PKP4: variants seen among roughly 807,000 people sequenced by gnomAD.
The protein encoded by PKP4 is plakophilin-4.
A neutral mutation model predicts 145.1 loss-of-function variants in PKP4; 90 were observed. That is an observed-to-expected ratio of 0.62 (90% confidence interval 0.52 to 0.74). The LOEUF (loss-of-function observed/expected upper bound fraction) is 0.74. PKP4 is among the 30% of genes least tolerant of loss of function. The pLI is 0.00. For missense variants in PKP4, 1,340 were observed against 1,482.7 expected, an observed-to-expected ratio of 0.90 and a Z score of 1.58; for synonymous variants, 563 against 577.2, an observed-to-expected ratio of 0.98 and a Z score of 0.35.
In PKP4 at chr2:158,640,630, G is replaced by A. The variant is rs1461151675; in HGVS notation, c.1566G>A (p.Glu522=). Reference sequence around the variant, plus strand: ...AAGCCATGTTTTTCTCATGTAGGGAGTTTGCCTGGCGTGATCCTGAGTTGC... The same window carrying A: ...AAGCCATGTTTTTCTCATGTAGGGAATTTGCCTGGCGTGATCCTGAGTTGC... The part of the protein sequence containing the change: ...SIDSIQKDPR[E]FAWRDPELPE... Residue 522 remains glutamate, a synonymous_variant, in exon 10 of 22, where the codon GAG becomes GAA. Transcript: ENST00000389759. 1 of 1,612,810 alleles carries A rather than the reference G, an allele frequency of 6.2e-7. No homozygotes were observed. The highest frequency in any genetic ancestry group is 1.3e-5 in the African/African-American group (1 of 74,826).
At chr2:158,638,439 C>G (rs1463847908) in intron 9 of PKP4, among the ~76,000 whole-genome samples, 2 of 152,052 alleles carry the variant, frequency 1.3e-5, no homozygotes, top group Non-Finnish European at 2.9e-5. Flanking sequence ...ATGGAAGGAC[C>G]CAAGACTGAA....
intron 4 of PKP4, among the ~76,000 whole-genome samples, chr2:158,611,154 T>G (rs938690236): frequency 6.6e-6 from 1 of 152,154 alleles, no homozygotes; most frequent in Non-Finnish European, 1.5e-5. Flanking sequence ...AGTTAGGAGT[T>G]TTGATGTTTG....
chr2:158,543,819 C>T (rs569915087), intron 2 of PKP4, among the ~76,000 whole-genome samples: 4 of 152,188 alleles, frequency 2.6e-5, no homozygotes, highest in Admixed American at 2.6e-4. Context: ...GGGTAGTTCT[C>T]CGTACGTGGT....
chr2:158,637,982 G>A (rs1055663900), intron 9 of PKP4, among the ~76,000 whole-genome samples: 2 of 152,226 alleles, frequency 1.3e-5, no homozygotes, highest in South Asian at 2.1e-4. Context: ...GGGCTGTCTG[G>A]CCCTCATGGC....
intron 17 of PKP4, among the ~76,000 whole-genome samples, chr2:158,672,433 A>G (rs1404662492): frequency 6.6e-6 from 1 of 152,160 alleles, no homozygotes; most frequent in African/African-American, 2.4e-5. Context: ...CGAGTGTTTC[A>G]GTTGTCATCC....
intron 3 of PKP4, among the ~76,000 whole-genome samples, chr2:158,601,695 G>A (rs1018644748): frequency 1.3e-5 from 2 of 152,172 alleles, no homozygotes; most frequent in Non-Finnish European, 2.9e-5. Flanking sequence ...AGGTCACCCT[G>A]CTTGCAATTC....
intron 1 of PKP4, chr2:158,457,849 A>AC (rs1689075977): frequency 6.6e-6 from 1 of 151,976 alleles, no homozygotes; most frequent in Non-Finnish European, 1.5e-5. Flanking sequence ...CTCACGCTCC[A>AC]CCCCTCCCGG....
At position 158,479,277 on chromosome 2, in the gene PKP4, G is replaced by T. The variant is rs557156856; in HGVS notation, c.-6+22059G>T. Among the ~76,000 whole-genome samples, 166 of 151,912 alleles carry T rather than the reference G, an allele frequency of 1.1e-3. 1 individual carries two copies. The highest frequency in any genetic ancestry group is 2.0e-3 in the Non-Finnish European group (133 of 67,972). ...TACAGGGTCTCCCTCAGGTTGGAGT[G>T]CAGTGGCACAATCTTGGCCCACTGC... is the stretch of plus-strand genomic sequence containing the variant. On this transcript the variant is annotated intron_variant, in intron 1 of 21. Coordinates refer to ENST00000389759, the MANE Select transcript of PKP4 (RefSeq NM_003628.6).
chr2:158,610,959 G>A (rs1019320305), intron 4 of PKP4, among the ~76,000 whole-genome samples: 3 of 152,130 alleles, frequency 2.0e-5, no homozygotes, highest in Non-Finnish European at 2.9e-5. Context: ...GAAAGTGTTC[G>A]AGAAATTGAT....
chr2:158,513,665 A>G (rs1296801414), intron 1 of PKP4, among the ~76,000 whole-genome samples: 1 of 152,182 alleles, frequency 6.6e-6, no homozygotes, highest in African/African-American at 2.4e-5. Context: ...ACTCCAGGTC[A>G]CATTACCACC....
intron 1 of PKP4, chr2:158,457,616 G>C (rs1549085): frequency 0.87 from 133,858 of 153,044 alleles, 58,586 homozygotes; most frequent in East Asian, 0.97. Flanking sequence ...GCCTGCCGCC[G>C]CGCGCCCCAA....
intron 11 of PKP4, among the ~76,000 whole-genome samples, chr2:158,656,968 C>G (rs1315993975): frequency 2.6e-5 from 4 of 152,182 alleles, no homozygotes; most frequent in Non-Finnish European, 5.9e-5. Context: ...GGGCCACGCT[C>G]TTGATCAGTC....
At chr2:158,521,885 T>C (rs567679772) in intron 1 of PKP4, among the ~76,000 whole-genome samples, 12 of 152,232 alleles carry the variant, frequency 7.9e-5, no homozygotes, top group Non-Finnish European at 1.5e-4. Context: ...CTAATGCTTA[T>C]TTTCTACACT....
At chr2:158,578,700 T>G (rs1192583513) in intron 3 of PKP4, among the ~76,000 whole-genome samples, 1 of 152,162 alleles carries the variant, frequency 6.6e-6, no homozygotes, top group East Asian at 1.9e-4. Context: ...AATTCAACAT[T>G]TAACAGAATT....
At chr2:158,662,849 C>T in intron 13 of PKP4, 48 bp from the exon 14 acceptor site, 1 of 1,493,492 alleles carries the variant, frequency 6.7e-7, no homozygotes, top group Non-Finnish European at 9.1e-7. Context: ...AAGTGTTTTG[C>T]TCTAATGTGC....
At chr2:158,548,527 AGACCT>A (rs2045297185) in intron 2 of PKP4, 1 of 157,812 alleles carries the variant, frequency 6.3e-6, no homozygotes, top group Non-Finnish European at 1.4e-5. Flanking sequence ...GTTTGAGAAA[AGACCT>A]GAGAATTTTG....
chr2:158,580,022 A>T (rs2048200756), intron 3 of PKP4, among the ~76,000 whole-genome samples: 1 of 152,154 alleles, frequency 6.6e-6, no homozygotes, highest in Non-Finnish European at 1.5e-5. Context: ...GGACGATACT[A>T]GGAATTAGGC....
intron 16 of PKP4, chr2:158,669,129 T>C (rs1241570147): frequency 6.6e-6 from 1 of 152,240 alleles, no homozygotes; most frequent in East Asian, 1.9e-4. Context: ...ACCAGAACTT[T>C]TACTTGTGTC....
intron 2 of PKP4, among the ~76,000 whole-genome samples, chr2:158,550,471 G>A (rs745487826): frequency 2.3e-4 from 35 of 152,148 alleles, no homozygotes; most frequent in Non-Finnish European, 2.6e-4. Context: ...GTTTTCAAAC[G>A]GTGGTTGTGA....
Sources: gnomAD v4.1 joint callset for allele counts (sites outside exome capture counted in the v4.1 genomes callset) on GRCh38, gnomAD v4.1.1 for gene constraint, MANE v1.5 for transcripts, NCBI Gene and HGNC (gene_info 2026-07-23, HGNC 2026-07-21) for gene names.